Variants in TBC1D16 observed in about 807,000 individuals in gnomAD.
The protein encoded by TBC1D16 is CTD-2529O21.1.
A neutral mutation model predicts 74.7 loss-of-function variants in TBC1D16; 58 were observed. The ratio of observed to expected loss-of-function variants is 0.78; its 90% CI spans 0.63 to 0.97. TBC1D16 has a LOEUF of 0.97. Among genes scored for constraint, TBC1D16 ranks in the 50% least tolerant of loss-of-function variants. TBC1D16 has a pLI of 0.00. For synonymous variants in TBC1D16, 493 were observed against 474.7 expected (o/e 1.04, Z -0.50); for missense variants, 1,014 against 1,079.5 (o/e 0.94, Z 0.85).
At chr17:80,028,757 C>T (rs1304415803) in intron 1 of TBC1D16, among the ~76,000 whole-genome samples, 5 of 151,396 alleles carry the variant, frequency 3.3e-5, no homozygotes, top group East Asian at 2.0e-4. Context: ...ATTACAGGCG[C>T]GCGCCACCAC....
rs933251575 is a variant in TBC1D16 at position 79,947,562 on chromosome 17, C to A, written c.1728+83G>T. ...GACCTACAGCAGCCAAGCCACGCAT[C>A]ACCACGGCAACCCCGGCTACAACGG... On this transcript the variant is annotated intron_variant, in intron 9 of 11. Coordinates refer to ENST00000310924, the MANE Select transcript of TBC1D16 (RefSeq NM_019020.4). 64 of 1,503,510 alleles carry A rather than the reference C, an allele frequency of 4.3e-5. No individual in the cohort carries two copies. In the African/African-American group the frequency reaches 8.4e-4, roughly 20 times the overall value. 93.1% of individuals were successfully genotyped at this position (1,503,510 alleles called of 1,614,324 possible).
chr17:80,007,813 G>T lies in TBC1D16; in HGVS notation c.779+2347C>A, dbSNP rs148787019. On this transcript the variant is annotated intron_variant, in intron 3 of 11. Coordinates refer to ENST00000310924, the MANE Select transcript of TBC1D16 (RefSeq NM_019020.4). This position sits in a 1 kb window ranked among gnomAD's most constrained non-coding sequence, Gnocchi z 4.5. ...GACGAACTTGGAGGTGTGCACAGTGGGGGGTGGGGAGGCAGGCAGCATCGC... is the reference window on the plus strand; with the variant it reads ...GACGAACTTGGAGGTGTGCACAGTGTGGGGTGGGGAGGCAGGCAGCATCGC... 1.2e-4 allele frequency among the ~76,000 whole-genome samples: 19 copies of T among 152,078 alleles called. No individual in the cohort carries two copies. Among genetic ancestry groups the T allele is most frequent in the African/African-American group, 4.3e-4 (18 of 41,406 alleles).
chr17:80,033,088 T>C (rs1005842056), intron 1 of TBC1D16, among the ~76,000 whole-genome samples: 1 of 151,876 alleles, frequency 6.6e-6, no homozygotes, highest in Non-Finnish European at 1.5e-5. Context: ...CAAAGGGGAG[T>C]GAGGAGTCAA....
intron 1 of TBC1D16, among the ~76,000 whole-genome samples, chr17:80,021,098 C>A (rs1456456063): frequency 6.7e-6 from 1 of 149,746 alleles, no homozygotes; most frequent in Non-Finnish European, 1.5e-5. Flanking sequence ...ACTAAAAATA[C>A]AAAATTAGAC....
At chr17:80,030,137 C>T (rs79904573) in intron 1 of TBC1D16, among the ~76,000 whole-genome samples, 8,521 of 152,164 alleles carry the variant, frequency 0.056, 725 homozygotes, top group African/African-American at 0.18. Flanking sequence ...TCCGTGGCCA[C>T]GTAACATACC....
rs1482909459 is a variant in TBC1D16, at chr17:79,990,613, C to A, written c.779+19547G>T. 6.6e-6 allele frequency among the ~76,000 whole-genome samples: 1 copy of A among 152,236 alleles called. No individual in the cohort carries two copies. The highest frequency in any genetic ancestry group is 1.9e-4 in the East Asian group (1 of 5,198). ...GGTAAAATGTCCATAACATAAAATT[C>A]ACCACCTTAACCGTTTTCAACGTCG... On this transcript the variant is annotated intron_variant, in intron 3 of 11. Coordinates refer to ENST00000310924, the MANE Select transcript of TBC1D16 (RefSeq NM_019020.4). The surrounding 1 kb of genome is among the most constrained non-coding windows in gnomAD (Gnocchi z 4.8).
In TBC1D16 at chr17:79,990,880, G is replaced by A. The variant is rs2144480659; in HGVS notation, c.779+19280C>T. On this transcript the variant is annotated intron_variant, in intron 3 of 11. Transcript: ENST00000310924. This position sits in a 1 kb window ranked among gnomAD's most constrained non-coding sequence, Gnocchi z 4.8. ...TCTGGCTCATTTCACTCGGCGTAACGTCCTCAACTCATCCGTGTTGCGGCG... is the reference window on the plus strand; with the variant it reads ...TCTGGCTCATTTCACTCGGCGTAACATCCTCAACTCATCCGTGTTGCGGCG... 6.6e-6 allele frequency among the ~76,000 whole-genome samples: 1 copy of A among 152,324 alleles called. No homozygotes were observed. The highest frequency in any genetic ancestry group is 1.9e-4 in the East Asian group (1 of 5,178).
chr17:79,951,308 A>T, intron 5 of TBC1D16, 142 bp downstream of exon 5: 2 of 1,002,686 alleles, frequency 2.0e-6, no homozygotes, highest in South Asian at 3.4e-5. Context: ...TGCTGCTCTG[A>T]CGGCCAAAAA....
In TBC1D16 at chr17:79,956,514, A is replaced by G. The variant is rs1418431512; in HGVS notation, c.780-3696T>C. On this transcript the variant is annotated intron_variant, in intron 3 of 11. Transcript: ENST00000310924. The surrounding 1 kb of genome is among the most constrained non-coding windows in gnomAD (Gnocchi z 4.0). ...AGCGATCTGTCTGCCTTGGCCTCCCAAAGTGCTGGGACTACAGGCGTGAGC... is the reference window on the plus strand; with the variant it reads ...AGCGATCTGTCTGCCTTGGCCTCCCGAAGTGCTGGGACTACAGGCGTGAGC... Among the ~76,000 whole-genome samples, 1 of 152,058 alleles carries G rather than the reference A, an allele frequency of 6.6e-6. No homozygotes were observed.
chr17:79,966,706 T>C (rs1177114553), intron 3 of TBC1D16, among the ~76,000 whole-genome samples: 1 of 152,204 alleles, frequency 6.6e-6, no homozygotes, highest in African/African-American at 2.4e-5. Flanking sequence ...TGTTTTGCTT[T>C]TGACTTTGTA....
In TBC1D16 at chr17:80,031,176, A is replaced by G. The variant is rs9890476; in HGVS notation, c.-63+4619T>C. Among the ~76,000 whole-genome samples, 268 of 152,342 alleles carry G rather than the reference A, an allele frequency of 1.8e-3. 1 individual carries two copies. The highest frequency in any genetic ancestry group is 6.2e-3 in the African/African-American group (257 of 41,584). On this transcript the variant is annotated intron_variant, in intron 1 of 11. Coordinates refer to ENST00000310924, the MANE Select transcript of TBC1D16 (RefSeq NM_019020.4). The stretch of plus-strand genomic sequence containing the variant: ...CAGGATCAGGACCCAGTCCCCGGGC[A>G]GCAGGCTTGGGGAAGGTAGCTCCTT...
At chr17:79,945,234 C>T (rs2032420330) in intron 9 of TBC1D16, 147 bp from the exon 10 acceptor site, 1 of 828,894 alleles carries the variant, frequency 1.2e-6, no homozygotes, top group East Asian at 2.7e-5. Context: ...TGTGCCTGCC[C>T]CCCCAACGCT....
At chr17:79,992,326 A>C (rs2144506917) in intron 3 of TBC1D16, 1 of 152,348 alleles carries the variant, frequency 6.6e-6, no homozygotes, top group South Asian at 2.1e-4. Flanking sequence ...CGCGCCCGAG[A>C]CCATCTCTCT....
intron 3 of TBC1D16, among the ~76,000 whole-genome samples, chr17:79,998,793 C>T (rs1267097897): frequency 6.6e-6 from 1 of 152,088 alleles, no homozygotes; most frequent in East Asian, 1.9e-4. Flanking sequence ...CACAGGGTAT[C>T]CTGACTGCTT....
Position 79,936,909 on chromosome 17 carries a change from C to CGTGTGTGT in TBC1D16, c.*3942_*3949dup, listed in dbSNP as rs71959726. 5,346 of 122,208 alleles carry CGTGTGTGT rather than the reference C, an allele frequency of 0.044. 161 individuals carry two copies. The highest frequency in any genetic ancestry group is 0.077 in the African/African-American group (2,872 of 37,328). 7.6% of individuals were successfully genotyped at this position (122,208 alleles called of 1,614,324 possible). On this transcript the variant is annotated 3_prime_UTR_variant, in exon 12 of 12. Coordinates refer to ENST00000310924, the MANE Select transcript of TBC1D16 (RefSeq NM_019020.4). ...GTGCATGCGTGCGTGTGTGCATGTG[C>CGTGTGTGT]GTGTGTGTGTGTGTGTGTGTGTGTG...
At chr17:79,996,779 C>T (rs1026883600) in intron 3 of TBC1D16, among the ~76,000 whole-genome samples, 4 of 152,128 alleles carry the variant, frequency 2.6e-5, no homozygotes, top group Admixed American at 6.5e-5. Context: ...ACATATGACT[C>T]GGCAAGTGCA....
chr17:80,005,554 C>T (rs12450929), intron 3 of TBC1D16, among the ~76,000 whole-genome samples: 7 of 152,220 alleles, frequency 4.6e-5, no homozygotes, highest in Admixed American at 2.0e-4. Context: ...GGCTCACCCC[C>T]GGCTCGGGGA....
Position 79,971,716 on chromosome 17 carries a change from C to A in TBC1D16, c.780-18898G>T, listed in dbSNP as rs947378962. ...AGACCTGAGGAAGCTGGTGCCCGACCCACCAGGAGACATGGACCTCATAGG... is the reference window on the plus strand; with the variant it reads ...AGACCTGAGGAAGCTGGTGCCCGACACACCAGGAGACATGGACCTCATAGG... On this transcript the variant is annotated intron_variant, in intron 3 of 11. Coordinates refer to ENST00000310924, the MANE Select transcript of TBC1D16 (RefSeq NM_019020.4). This position sits in a 1 kb window ranked among gnomAD's most constrained non-coding sequence, Gnocchi z 4.6. Among the ~76,000 whole-genome samples the A allele has an allele frequency of 2.6e-5, 4 of 152,158 alleles. No individual in the cohort carries two copies. Among genetic ancestry groups the A allele is most frequent in the Non-Finnish European group, 5.9e-5 (4 of 68,034 alleles).
chr17:79,962,491 G>A (rs554524358), intron 3 of TBC1D16, among the ~76,000 whole-genome samples: 44 of 151,774 alleles, frequency 2.9e-4, no homozygotes, highest in African/African-American at 1.1e-3. Flanking sequence ...GGGATTACAG[G>A]TGTGACCCAC....
Sources: allele counts gnomAD v4.1 joint callset (sites outside exome capture counted in the v4.1 genomes callset), GRCh38; gene constraint gnomAD v4.1.1; non-coding constraint Gnocchi (gnomAD v3.1); transcripts MANE v1.5; gene names NCBI Gene and HGNC (gene_info 2026-07-23, HGNC 2026-07-21).